The following PEX6 variants were observed in gnomAD, a reference collection of about 807,000 sequenced individuals.
PEX6 encodes peroxisomal biogenesis factor 6.
PEX6 carries 55 observed loss-of-function variants against 85.6 expected under a neutral mutation model. The ratio of observed to expected loss-of-function variants is 0.64; its 90% CI spans 0.52 to 0.80. The LOEUF is 0.80. PEX6 is among the 30% of genes least tolerant of loss of function. The pLI is 0.00. For synonymous variants in PEX6, 519 were observed against 549.1 expected, an observed-to-expected ratio of 0.95 and a Z score of 0.77; for missense variants, 1,099 against 1,260.3, an observed-to-expected ratio of 0.87 and a Z score of 1.94.
Position 42,978,665 on chromosome 6 carries a change from C to T in PEX6, c.486G>A (p.Gly162=). The T allele has an allele frequency of 6.4e-7, 1 of 1,564,294 alleles. No homozygotes were observed. Among genetic ancestry groups the T allele is most frequent in the Non-Finnish European group, 8.6e-7 (1 of 1,162,254 alleles). The change falls in exon 1 of 17, where the codon GGG becomes GGA. Residue 162 remains glycine (G), a synonymous_variant. Transcript: ENST00000304611. The part of the protein sequence containing the change: ...GTRLAVTELR[G]RARLCPESGD... ...CAGACTCTGGACACAGTCTGGCCCG[C>T]CCGCGGAGCTCAGTCACAGCCAGCC...
Position 42,978,296 on chromosome 6 carries a change from G to T in PEX6, c.855C>A (p.Pro285=), listed in dbSNP as rs757897959. ...GAATTCTGAGCTCTCCCATTTCCAGGGGGTCACAGCCAAGATTAAAAGCCA... is the reference window on the plus strand; with the variant it reads ...GAATTCTGAGCTCTCCCATTTCCAGTGGGTCACAGCCAAGATTAAAAGCCA... ...ATLAFNLGCD[P]LEMGELRIQR... is the part of the protein sequence containing the mutation. Residue 285 remains proline (P), a synonymous_variant, in exon 1 of 17, where the codon CCC becomes CCA. Transcript: ENST00000304611. The T allele has an allele frequency of 9.3e-6, 15 of 1,614,148 alleles. 1 individual carries two copies. The Middle Eastern group carries it at 1.6e-3, about 178-fold the overall frequency.
rs546465908 is a variant in PEX6, at chr6:42,964,254, G to T, written c.*81C>A. ...TGGGTTGGCAGCAGCCTGAGGAGGA[G>T]CCCTTCCTTCCCAGATCTCTCTGTG... On this transcript the variant is annotated 3_prime_UTR_variant, in exon 17 of 17. Transcript: ENST00000304611. This position sits in a 1 kb window ranked among gnomAD's most constrained non-coding sequence, Gnocchi z 4.6. 3.2e-6 allele frequency: 5 copies of T among 1,553,154 alleles called. No individual in the cohort carries two copies. In the South Asian group the frequency reaches 5.6e-5, roughly 17 times the overall value.
Position 42,979,173 on chromosome 6 carries a change from G to A in PEX6, c.-23C>T. The stretch of plus-strand genomic sequence containing the variant: ...CATGGTGACAGGACACCAACGAGGA[G>A]GGTGAAGGAGCGCAGCTTCCGGAGC... On this transcript the variant is annotated 5_prime_UTR_variant, in exon 1 of 17. Coordinates refer to ENST00000304611, the MANE Select transcript of PEX6 (RefSeq NM_000287.4). The A allele has an allele frequency of 1.3e-6, 2 of 1,570,264 alleles. No individual in the cohort carries two copies. Among genetic ancestry groups the A allele is most frequent in the Non-Finnish European group, 8.6e-7 (1 of 1,166,728 alleles).
intron 1 of PEX6, among the ~76,000 whole-genome samples, chr6:42,976,108 G>A (rs1377803482): frequency 6.6e-6 from 1 of 151,598 alleles, no homozygotes; most frequent in East Asian, 1.9e-4. Flanking sequence ...TAGCCAGGAT[G>A]GTCTCAATCT....
chr6:42,965,053 G>A lies in PEX6; in HGVS notation c.2666+22C>T. The A allele has an allele frequency of 1.2e-6, 2 of 1,613,548 alleles. No homozygotes were observed. The highest frequency in any genetic ancestry group is 1.7e-6 in the Non-Finnish European group (2 of 1,179,414). On this transcript the variant is annotated intron_variant, in intron 15 of 16. Transcript: ENST00000304611. The surrounding 1 kb of genome is among the most constrained non-coding windows in gnomAD (Gnocchi z 5.0). ...CATCCCAAGGCCCAAGCCCTTCGCAGTCTTCCTCTAACAGAGCATACTTGC... is the reference window on the plus strand; with the variant it reads ...CATCCCAAGGCCCAAGCCCTTCGCAATCTTCCTCTAACAGAGCATACTTGC...
Position 42,964,978 on chromosome 6 carries a change from G to A in PEX6, c.2667-49C>T, listed in dbSNP as rs1435116375. The A allele has an allele frequency of 1.2e-6, 2 of 1,613,788 alleles. No individual in the cohort carries two copies. Among genetic ancestry groups the A allele is most frequent in the East Asian group, 2.2e-5 (1 of 44,872 alleles). ...CAGAGTTGGCATCACCTCCTCCCTC[G>A]AAAGCCAGTGCTGACCAGCTCATCC... is the stretch of plus-strand genomic sequence containing the variant. On this transcript the variant is annotated intron_variant, in intron 15 of 16. Transcript: ENST00000304611. This position sits in a 1 kb window ranked among gnomAD's most constrained non-coding sequence, Gnocchi z 4.6.
At position 42,974,442 on chromosome 6, in the gene PEX6, G is replaced by GTTTTTTT. The variant is rs71855084; in HGVS notation, c.1047-363_1047-357dup. Among the ~76,000 whole-genome samples, 73 of 115,968 alleles carry GTTTTTTT rather than the reference G, an allele frequency of 6.3e-4. 2 individuals carry two copies. The highest frequency in any genetic ancestry group is 9.4e-4 in the Non-Finnish European group (55 of 58,786). 76.1% of individuals were successfully genotyped at this position (115,968 alleles called of 152,430 possible). A position where few individuals can be genotyped will look rare whatever the true frequency, so the allele number is the denominator to read the frequency against. On this transcript the variant is annotated intron_variant, in intron 2 of 16. Coordinates refer to ENST00000304611, the MANE Select transcript of PEX6 (RefSeq NM_000287.4). ...GCGCCTACCACAATCTGTCTGAAATGTTTTTTTTGTTTTTTTTTTTTTTTT... is the reference window on the plus strand; with the variant it reads ...GCGCCTACCACAATCTGTCTGAAATGTTTTTTTTTTTTTTTGTTTTTTTTTTTTTTTT...
Position 42,978,751 on chromosome 6 carries a change from G to C in PEX6, c.400C>G (p.Pro134Ala), listed in dbSNP as rs760985292. ...LVRRGETLPV[P>A]GPRVLETRPA... is the part of the protein sequence containing the mutation. ...CGCGTCTCCAGCACCCGCGGTCCGG[G>C]CACTGGGAGGGTCTCTCCGCGCCTC... Residue 134 changes from proline to alanine, a missense_variant, in exon 1 of 17, where the codon CCC (proline) becomes GCC (alanine). This residue lies in a region of PEX6 where 579 missense variants were observed against 611.6 expected (regional missense o/e 0.95). Transcript: ENST00000304611. 9.8e-6 allele frequency: 15 copies of C among 1,535,880 alleles called. No homozygotes were observed. The highest frequency in any genetic ancestry group is 1.2e-5 in the Non-Finnish European group (14 of 1,147,016).
At chr6:42,969,606 T>C (rs1280423179) in intron 5 of PEX6, 62 bp downstream of exon 5, 5 of 1,604,608 alleles carry the variant, frequency 3.1e-6, no homozygotes, top group Middle Eastern at 2.2e-4. Context: ...ATCTGGCTGC[T>C]GCTCCTCCAG....
chr6:42,972,525 C>T (rs995247848), intron 3 of PEX6, among the ~76,000 whole-genome samples: 1 of 152,172 alleles, frequency 6.6e-6, no homozygotes, highest in Non-Finnish European at 1.5e-5. Flanking sequence ...AATCCCAGCA[C>T]TTTGGGAGGC....
At position 42,966,033 on chromosome 6, in the gene PEX6, T is replaced by G. The variant is rs1228652160; in HGVS notation, c.2362+11A>C. ...AAGCATGGGACGCCCTGCCCCTCCC[T>G]GCTCACTCACCTTCCCGCACATTCT... On this transcript the variant is annotated intron_variant, in intron 12 of 16. Coordinates refer to ENST00000304611, the MANE Select transcript of PEX6 (RefSeq NM_000287.4). 1 of 1,613,442 alleles carries G rather than the reference T, an allele frequency of 6.2e-7. No individual in the cohort carries two copies. Among genetic ancestry groups the G allele is most frequent in the East Asian group, 2.2e-5 (1 of 44,884 alleles).
intron 6 of PEX6, 38 bp from the exon 7 acceptor site, chr6:42,968,536 A>G: frequency 6.6e-7 from 1 of 1,510,732 alleles, no homozygotes; most frequent in Non-Finnish European, 9.0e-7. Flanking sequence ...GAGCAAGGGG[A>G]AAGCATGACA....
chr6:42,965,961 G>T lies in PEX6; in HGVS notation c.2362+83C>A. ...AGAAAGGAGGATTAGGAATGATCAT[G>T]AGTAGCCTGGGAGTAGGGGGTGGCT... On this transcript the variant is annotated intron_variant, in intron 12 of 16. Transcript: ENST00000304611. This position sits in a 1 kb window ranked among gnomAD's most constrained non-coding sequence, Gnocchi z 5.0. The T allele has an allele frequency of 6.7e-7, 1 of 1,484,786 alleles. No individual in the cohort carries two copies. Among genetic ancestry groups the T allele is most frequent in the South Asian group, 1.1e-5 (1 of 88,502 alleles). The allele number at this position is 1,484,786 out of a possible 1,614,324, so 92.0% of individuals were successfully genotyped here. A position where few individuals can be genotyped will look rare whatever the true frequency, so the allele number is the denominator to read the frequency against.
In PEX6 at chr6:42,965,121, C is replaced by T; in HGVS notation, c.2620G>A (p.Glu874Lys). Residue 874 changes from glutamate (E) to lysine (K), a missense_variant, in exon 15 of 17, where the codon GAG becomes AAG. This residue lies in a region of PEX6 where 514 missense variants were observed against 627.0 expected (regional missense o/e 0.82). Coordinates refer to ENST00000304611, the MANE Select transcript of PEX6 (RefSeq NM_000287.4). This position sits in a 1 kb window ranked among gnomAD's most constrained non-coding sequence, Gnocchi z 5.0. Reference protein sequence around the residue: ...FDKLVFVGANEDRASQLRVLS... With the variant: ...FDKLVFVGANKDRASQLRVLS... Reference sequence around the variant, plus strand: ...ACGCGTAGCTGGGAGGCCCGGTCCTCATTTGCCCCCACAAACACCAGCTTG... The same window carrying T: ...ACGCGTAGCTGGGAGGCCCGGTCCTTATTTGCCCCCACAAACACCAGCTTG... 1 of 1,614,222 alleles carries T rather than the reference C, an allele frequency of 6.2e-7. No homozygotes were observed. Among genetic ancestry groups the T allele is most frequent in the Non-Finnish European group, 8.5e-7 (1 of 1,180,030 alleles).
intron 1 of PEX6, among the ~76,000 whole-genome samples, chr6:42,976,881 CT>C (rs1441055728): frequency 6.6e-6 from 1 of 152,030 alleles, no homozygotes; most frequent in Admixed American, 6.6e-5. Context: ...ATAAAGACTC[CT>C]TTCCTTCAAG....
chr6:42,966,943 C>A, intron 8 of PEX6, 85 bp from the exon 9 acceptor site: 5 of 909,870 alleles, frequency 5.5e-6, no homozygotes, highest in Non-Finnish European at 9.1e-6. Context: ...AGCAGAGGCC[C>A]TCTGTTGATG....
chr6:42,967,278 T>C, intron 8 of PEX6, 90 bp downstream of exon 8: 1 of 1,331,848 alleles, frequency 7.5e-7, no homozygotes, highest in Non-Finnish European at 1.1e-6. Flanking sequence ...CTGGGTTTTC[T>C]ACTCTCACTC....
At chr6:42,968,519 G>C in intron 6 of PEX6, 21 bp from the exon 7 acceptor site, 4 of 1,548,012 alleles carry the variant, frequency 2.6e-6, no homozygotes, top group Non-Finnish European at 3.5e-6. Context: ...GATCCCAATG[G>C]GTCTGTGAGC....
chr6:42,978,140 C>T lies in PEX6; in HGVS notation c.882+129G>A, dbSNP rs111762254. 0.063 allele frequency: 75,177 copies of T among 1,191,578 alleles called. 3,368 individuals carry two copies. Among genetic ancestry groups the T allele is most frequent in the African/African-American group, 0.22 (14,501 of 66,798 alleles). 73.8% of individuals were successfully genotyped at this position (1,191,578 alleles called of 1,614,324 possible). The stretch of plus-strand genomic sequence containing the variant: ...GATTACAGGCGTGAGTCACCGCGCC[C>T]GGCTAGAAACATTATGTTCAAAGTC... On this transcript the variant is annotated intron_variant, in intron 1 of 16. Transcript: ENST00000304611.
Sources: gnomAD v4.1 joint callset for allele counts (sites outside exome capture counted in the v4.1 genomes callset) on GRCh38, gnomAD v4.1.1 for gene constraint, gnomAD v4.1.1 regional missense constraint, Gnocchi (gnomAD v3.1) non-coding constraint, MANE v1.5 for transcripts, NCBI Gene and HGNC (gene_info 2026-07-23, HGNC 2026-07-21) for gene names.